The following ROBO2 variants were observed in gnomAD, a reference collection of about 807,000 sequenced individuals.
ROBO2 encodes the protein roundabout guidance receptor 2.
A neutral mutation model predicts 160.8 loss-of-function variants in ROBO2; 53 were observed. The observed-to-expected ratio is 0.33, with a 90% CI of 0.26 to 0.41. The LOEUF (loss-of-function observed/expected upper bound fraction) is 0.41, where lower values mean the gene tolerates loss of function less well. ROBO2 is among the 10% of genes least tolerant of loss of function. The pLI, the probability that ROBO2 is intolerant of heterozygous loss-of-function variation, is 1.00. For synonymous variants in ROBO2, 664 were observed against 611.7 expected, an observed-to-expected ratio of 1.09 and a Z score of -1.26; for missense variants, 1,577 against 1,722.4, an observed-to-expected ratio of 0.92 and a Z score of 1.49.
chr3:76,853,004 T>C (rs2069581405), intron 2 of ROBO2, among the ~76,000 whole-genome samples: 1 of 152,108 alleles, frequency 6.6e-6, no homozygotes, highest in Non-Finnish European at 1.5e-5. Context: ...ACTAATCTTT[T>C]AGAGGACACA....
At chr3:77,447,660 TA>T in intron 2 of ROBO2, among the ~76,000 whole-genome samples, 2 of 152,262 alleles carry the variant, frequency 1.3e-5, no homozygotes, top group Middle Eastern at 6.8e-3. Flanking sequence ...GCATCAGCGA[TA>T]GTATCCTTTT....
chr3:76,928,452 A>AT (rs35736164), intron 2 of ROBO2, among the ~76,000 whole-genome samples: 6,604 of 142,754 alleles, frequency 0.046, 310 homozygotes, highest in African/African-American at 0.13. Context: ...GTTTATGATA[A>AT]TTTTTTTTTT....
intron 2 of ROBO2, among the ~76,000 whole-genome samples, chr3:76,009,114 T>A (rs2066118192): frequency 6.6e-6 from 1 of 152,152 alleles, no homozygotes; most frequent in African/African-American, 2.4e-5. Flanking sequence ...TCTCTTTTTT[T>A]GTTTTTGAGA....
At chr3:76,247,777 T>G (rs1705708505) in intron 2 of ROBO2, among the ~76,000 whole-genome samples, 1 of 151,704 alleles carries the variant, frequency 6.6e-6, no homozygotes, top group Non-Finnish European at 1.5e-5. Context: ...GAATCTACAA[T>G]GAACTCAAAC....
At chr3:76,989,150 A>G (rs2060534938) in intron 2 of ROBO2, among the ~76,000 whole-genome samples, 1 of 152,174 alleles carries the variant, frequency 6.6e-6, no homozygotes, top group Non-Finnish European at 1.5e-5. Flanking sequence ...CTCATTTAAC[A>G]TGAAACTGTT....
intron 2 of ROBO2, among the ~76,000 whole-genome samples, chr3:76,954,725 A>G (rs534690953): frequency 1.3e-5 from 2 of 152,380 alleles, no homozygotes; most frequent in South Asian, 2.1e-4. Flanking sequence ...TCATGAAAAA[A>G]GAACACAATT....
chr3:77,399,660 AG>A (rs2075616199), intron 2 of ROBO2, among the ~76,000 whole-genome samples: 6 of 152,166 alleles, frequency 3.9e-5, no homozygotes, highest in Admixed American at 3.9e-4. Flanking sequence ...GGACTTATAT[AG>A]TACTTAATGG....
At chr3:77,290,179 A>T (rs1265613310) in intron 2 of ROBO2, among the ~76,000 whole-genome samples, 1 of 151,306 alleles carries the variant, frequency 6.6e-6, no homozygotes, top group South Asian at 2.1e-4. Context: ...CCCAAGACAC[A>T]AAGTAAAATT....
chr3:77,636,124 TG>T (rs1295588585), intron 24 of ROBO2, among the ~76,000 whole-genome samples: 1 of 152,060 alleles, frequency 6.6e-6, no homozygotes, highest in Admixed American at 6.6e-5. Context: ...ATCATCACAT[TG>T]GGGATTAGGA....
At chr3:77,031,935 C>A (rs1024830037) in intron 2 of ROBO2, among the ~76,000 whole-genome samples, 1 of 152,064 alleles carries the variant, frequency 6.6e-6, no homozygotes, top group Admixed American at 6.6e-5. Context: ...CTAGCAGATT[C>A]TGTGTCTGGT....
intron 1 of ROBO2, among the ~76,000 whole-genome samples, chr3:75,917,501 G>T (rs1213421548): frequency 6.6e-6 from 1 of 152,184 alleles, no homozygotes; most frequent in African/African-American, 2.4e-5. Context: ...AAACATACGT[G>T]TACATGTGTC....
At chr3:76,396,272 G>A (rs551966682) in intron 2 of ROBO2, among the ~76,000 whole-genome samples, 19 of 152,102 alleles carry the variant, frequency 1.2e-4, no homozygotes, top group African/African-American at 3.9e-4. Context: ...AAATTCAACA[G>A]CCCCTCATGC....
chr3:76,920,963 T>C (rs190867084), intron 2 of ROBO2, among the ~76,000 whole-genome samples: 10 of 152,364 alleles, frequency 6.6e-5, no homozygotes, highest in Non-Finnish European at 1.2e-4. Flanking sequence ...TGTCTATTAC[T>C]ACGTTAAACT....
chr3:77,466,879 C>T (rs1302445495), intron 2 of ROBO2, among the ~76,000 whole-genome samples: 1 of 152,158 alleles, frequency 6.6e-6, no homozygotes, highest in Non-Finnish European at 1.5e-5. Flanking sequence ...CTGGCAGTTA[C>T]TTGGCATTGT....
chr3:77,489,136 A>T (rs187545501), intron 4 of ROBO2, among the ~76,000 whole-genome samples: 4 of 152,294 alleles, frequency 2.6e-5, no homozygotes, highest in African/African-American at 9.6e-5. Context: ...TATCTCAGGA[A>T]TTTCCCATGT....
intron 2 of ROBO2, among the ~76,000 whole-genome samples, chr3:76,272,832 T>TATATATATTTATATATAAAATATATCAA (rs1553693025): frequency 2.6e-5 from 1 of 38,302 alleles, no homozygotes; most frequent in Non-Finnish European, 5.1e-5. Context: ...ATATATAAAA[T>TATATATATTTATATATAAAATATATCAA]ATATATATTA....
chr3:75,978,868 G>A (rs1015269375), intron 2 of ROBO2, among the ~76,000 whole-genome samples: 2 of 151,500 alleles, frequency 1.3e-5, no homozygotes, highest in Non-Finnish European at 3.0e-5. Context: ...GGAATGGAGC[G>A]AAGTACATGT....
intron 2 of ROBO2, among the ~76,000 whole-genome samples, chr3:77,443,415 A>G (rs1233629588): frequency 6.6e-6 from 1 of 152,128 alleles, no homozygotes; most frequent in Non-Finnish European, 1.5e-5. Context: ...ATAGTGCTCA[A>G]TAAAATAGTC....
intron 1 of ROBO2, among the ~76,000 whole-genome samples, chr3:75,914,359 A>G (rs1946720675): frequency 6.6e-6 from 1 of 152,192 alleles, no homozygotes; most frequent in African/African-American, 2.4e-5. Flanking sequence ...TGAGATACAA[A>G]GCTGCTATAA....
Sources: allele counts gnomAD v4.1 joint callset (sites outside exome capture counted in the v4.1 genomes callset), GRCh38; gene constraint gnomAD v4.1.1; transcripts MANE v1.5; gene names NCBI Gene and HGNC (gene_info 2026-07-23, HGNC 2026-07-21).